Variants in RIPOR3 observed in about 807,000 individuals in gnomAD.
RIPOR3 encodes RIPOR family member 3.
RIPOR3 carries 95 observed loss-of-function variants against 114.3 expected under a neutral mutation model. That is an observed-to-expected ratio of 0.83 (90% CI 0.70 to 0.99). The LOEUF is 0.99. Ranked by LOEUF, RIPOR3 falls within the 50% of genes least tolerant of loss-of-function variation. RIPOR3 has a pLI of 0.00. For missense variants in RIPOR3, 1,252 were observed against 1,266.9 expected (o/e 0.99, Z 0.18); for synonymous variants, 575 against 543.8 (o/e 1.06, Z -0.80).
intron 17 of RIPOR3, among the ~76,000 whole-genome samples, chr20:50,594,156 A>G (rs993131236): frequency 2.0e-5 from 3 of 151,728 alleles, no homozygotes; most frequent in Admixed American, 6.6e-5. Context: ...CACACCTGTA[A>G]TCCCAGCTAC....
intron 1 of RIPOR3, among the ~76,000 whole-genome samples, chr20:50,656,133 G>A (rs1381062412): frequency 6.6e-6 from 1 of 151,796 alleles, no homozygotes; most frequent in African/African-American, 2.4e-5. Context: ...TCAGCCTCCT[G>A]AGCAGCTGGG....
chr20:50,618,162 A>G (rs546471357), intron 3 of RIPOR3, among the ~76,000 whole-genome samples: 1 of 151,050 alleles, frequency 6.6e-6, no homozygotes, highest in Admixed American at 6.6e-5. Context: ...AGCTCCTCAG[A>G]AGTCTGAGGC....
chr20:50,622,337 A>G (rs1211029799), intron 2 of RIPOR3, among the ~76,000 whole-genome samples: 1 of 152,022 alleles, frequency 6.6e-6, no homozygotes, highest in East Asian at 1.9e-4. Context: ...ATGCACCACC[A>G]TACCTGGATA....
intron 1 of RIPOR3, chr20:50,636,465 G>C: frequency 5.3e-6 from 4 of 760,064 alleles, no homozygotes; most frequent in Non-Finnish European, 6.4e-6. Flanking sequence ...AGGAATGCTC[G>C]GGTGGCTTAG....
At chr20:50,615,345 G>A (rs550381761) in intron 4 of RIPOR3, among the ~76,000 whole-genome samples, 17 of 151,810 alleles carry the variant, frequency 1.1e-4, no homozygotes, top group African/African-American at 3.1e-4. Flanking sequence ...GCAACATGAT[G>A]AGACCCTGTA....
intron 1 of RIPOR3, among the ~76,000 whole-genome samples, chr20:50,646,108 A>G (rs529241322): frequency 1.7e-4 from 26 of 152,192 alleles, no homozygotes; most frequent in South Asian, 4.1e-4. Flanking sequence ...CCCAGGACTG[A>G]GCAACTTCAT....
At chr20:50,648,835 A>G (rs1397760460) in intron 1 of RIPOR3, among the ~76,000 whole-genome samples, 1 of 152,140 alleles carries the variant, frequency 6.6e-6, no homozygotes, top group African/African-American at 2.4e-5. Context: ...AGGAGGTAAC[A>G]CAAGCAATGG....
chr20:50,633,255 C>CT (rs1201850298), intron 1 of RIPOR3, among the ~76,000 whole-genome samples: 1 of 152,068 alleles, frequency 6.6e-6, no homozygotes, highest in East Asian at 1.9e-4. Flanking sequence ...GAGCAAGACT[C>CT]TGACTAAAAA....
At chr20:50,642,768 G>T (rs6126059) in intron 1 of RIPOR3, among the ~76,000 whole-genome samples, 1 of 151,834 alleles carries the variant, frequency 6.6e-6, no homozygotes, top group Admixed American at 6.6e-5. Flanking sequence ...TCCATCAGAG[G>T]CCAGGTGCTG....
chr20:50,591,708 G>C (rs952499212), intron 19 of RIPOR3, among the ~76,000 whole-genome samples: 16 of 152,136 alleles, frequency 1.1e-4, no homozygotes, highest in African/African-American at 3.9e-4. Flanking sequence ...AAAGCAGAGA[G>C]GTCCACTCTC....
intron 3 of RIPOR3, among the ~76,000 whole-genome samples, chr20:50,618,698 C>A (rs562168787): frequency 6.6e-6 from 1 of 152,222 alleles, no homozygotes; most frequent in South Asian, 2.1e-4. Flanking sequence ...GTCTCTCCCC[C>A]ACTAGGAGTC....
At chr20:50,637,359 C>T (rs191120329) in intron 1 of RIPOR3, among the ~76,000 whole-genome samples, 126 of 152,182 alleles carry the variant, frequency 8.3e-4, no homozygotes, top group Middle Eastern at 6.8e-3. Context: ...CCAGGTCTTC[C>T]CTATCACTCT....
chr20:50,675,065 G>A (rs2086639793), intron 1 of RIPOR3, among the ~76,000 whole-genome samples: 1 of 152,174 alleles, frequency 6.6e-6, no homozygotes, highest in Non-Finnish European at 1.5e-5. Flanking sequence ...GCAACAGAGT[G>A]AGATCCTGTC....
chr20:50,628,364 G>C (rs1004691269), intron 2 of RIPOR3, among the ~76,000 whole-genome samples: 3 of 152,072 alleles, frequency 2.0e-5, no homozygotes, highest in African/African-American at 7.2e-5. Flanking sequence ...CAGCCCATGA[G>C]GCTCCGCAGG....
At chr20:50,594,096 C>G (rs1230847539) in intron 17 of RIPOR3, among the ~76,000 whole-genome samples, 2 of 152,008 alleles carry the variant, frequency 1.3e-5, no homozygotes, top group Non-Finnish European at 2.9e-5. Flanking sequence ...TGGCGAAACC[C>G]CGTCTCTACT....
chr20:50,594,310 C>A (rs936944290), intron 17 of RIPOR3, among the ~76,000 whole-genome samples: 1 of 151,364 alleles, frequency 6.6e-6, no homozygotes, highest in African/African-American at 2.4e-5. Context: ...ACCGGCCCAC[C>A]AAGTTTGCAC....
intron 1 of RIPOR3, among the ~76,000 whole-genome samples, chr20:50,676,137 A>C (rs2086669626): frequency 6.6e-6 from 1 of 152,220 alleles, no homozygotes; most frequent in Non-Finnish European, 1.5e-5. Flanking sequence ...CTTTTGTCCC[A>C]AGACACAAAA....
At chr20:50,609,951 C>G (rs566592485) in intron 6 of RIPOR3, among the ~76,000 whole-genome samples, 15 of 148,046 alleles carry the variant, frequency 1.0e-4, no homozygotes, top group African/African-American at 3.3e-4. Context: ...CCTGCCTCAC[C>G]TGCCACCACT....
rs1568949351 is a variant in RIPOR3 at position 50,668,721 on chromosome 20, G to A, written c.3+22405C>T. 3.3e-5 allele frequency among the ~76,000 whole-genome samples: 5 copies of A among 152,286 alleles called. No individual in the cohort carries two copies. In the South Asian group the frequency reaches 1.0e-3, roughly 32 times the overall value. ...AAAATACAAAAATTAGCTGGGCGTG[G>A]TGGCGGGTGCCTGTAATCCCAGCTA... On this transcript the variant is annotated intron_variant, in intron 1 of 21. Transcript: ENST00000327979.
Sources: allele counts gnomAD v4.1 joint callset (sites outside exome capture counted in the v4.1 genomes callset), GRCh38; gene constraint gnomAD v4.1.1; transcripts MANE v1.5; gene names NCBI Gene and HGNC (gene_info 2026-07-23, HGNC 2026-07-21).